Variants in NUDCD3 observed in about 807,000 individuals in gnomAD.
NUDCD3 encodes the protein nudC domain-containing protein 3.
Under a neutral mutation model 39.7 loss-of-function variants are expected in NUDCD3, and 13 were observed. The ratio of observed to expected loss-of-function variants is 0.33; its 90% CI spans 0.21 to 0.52. The LOEUF (loss-of-function observed/expected upper bound fraction) is 0.52, where lower values mean the gene tolerates loss of function less well. Among genes scored for constraint, NUDCD3 ranks in the 20% least tolerant of loss-of-function variants. The pLI is 0.96. For synonymous variants in NUDCD3, 175 were observed against 172.4 expected (o/e 1.02, Z -0.12); for missense variants, 453 against 458.1 (o/e 0.99, Z 0.10).
intron 1 of NUDCD3, among the ~76,000 whole-genome samples, chr7:44,487,985 C>G (rs1437964733): frequency 1.3e-5 from 2 of 150,730 alleles, no homozygotes; most frequent in African/African-American, 4.9e-5. Flanking sequence ...AAAAAAAGAA[C>G]AGGTTCCCAG....
At chr7:44,410,922 C>T (rs1196032016) in intron 3 of NUDCD3, among the ~76,000 whole-genome samples, 1 of 151,430 alleles carries the variant, frequency 6.6e-6, no homozygotes, top group Non-Finnish European at 1.5e-5. Flanking sequence ...GCCAAGATCG[C>T]GTCACTGCAC....
chr7:44,448,971 G>C (rs1040913682), intron 2 of NUDCD3, among the ~76,000 whole-genome samples: 1 of 152,164 alleles, frequency 6.6e-6, no homozygotes, highest in Non-Finnish European at 1.5e-5. Context: ...AAGGAGGTCA[G>C]GAAGCTGGTA....
intron 2 of NUDCD3, among the ~76,000 whole-genome samples, chr7:44,478,839 G>A (rs1469434823): frequency 6.6e-6 from 1 of 152,204 alleles, no homozygotes; most frequent in Non-Finnish European, 1.5e-5. Context: ...GCACAAGGTT[G>A]CCAGGATCTG....
intron 2 of NUDCD3, among the ~76,000 whole-genome samples, chr7:44,473,423 A>C (rs1800296923): frequency 6.6e-6 from 1 of 152,170 alleles, no homozygotes; most frequent in South Asian, 2.1e-4. Context: ...ACGGCCTCAA[A>C]GAGTTGTGAG....
At chr7:44,459,907 G>A (rs1489107329) in intron 2 of NUDCD3, among the ~76,000 whole-genome samples, 1 of 152,196 alleles carries the variant, frequency 6.6e-6, no homozygotes, top group African/African-American at 2.4e-5. Flanking sequence ...TTAATATGGA[G>A]TTTTAACATA....
rs191200367 is a variant in NUDCD3, at chr7:44,469,824, C to T, written c.509+15144G>A. Among the ~76,000 whole-genome samples the T allele has an allele frequency of 4.3e-5, 6 of 139,728 alleles. No individual in the cohort carries two copies. In the East Asian group the frequency reaches 6.1e-4, roughly 14 times the overall value. The allele number at this position is 139,728 out of a possible 152,430, so 91.7% of individuals were successfully genotyped here. A position where few individuals can be genotyped will look rare whatever the true frequency, so the allele number is the denominator to read the frequency against. On this transcript the variant is annotated intron_variant, in intron 2 of 5. Transcript: ENST00000355451. ...CAAAACTATAATGAGGGACATTCCA[C>T]GAAAAAAAAAAATGGCAATGAAGGA... is the stretch of plus-strand genomic sequence containing the variant.
At chr7:44,407,091 G>A (rs1283223627) in intron 3 of NUDCD3, among the ~76,000 whole-genome samples, 1 of 151,932 alleles carries the variant, frequency 6.6e-6, no homozygotes, top group Non-Finnish European at 1.5e-5. Flanking sequence ...TGTGTCAAGT[G>A]AAGTCCTACT....
chr7:44,419,617 C>T (rs1249463945), intron 3 of NUDCD3, among the ~76,000 whole-genome samples: 2 of 152,152 alleles, frequency 1.3e-5, no homozygotes, highest in Non-Finnish European at 2.9e-5. Context: ...GGCATTAGCC[C>T]AGTGCCCCTC....
chr7:44,430,874 G>A (rs528493555), intron 2 of NUDCD3, among the ~76,000 whole-genome samples: 2 of 152,216 alleles, frequency 1.3e-5, no homozygotes, highest in South Asian at 2.1e-4. Context: ...GCCACTACAC[G>A]CTGCAGTAAA....
At chr7:44,448,869 T>C (rs1799735686) in intron 2 of NUDCD3, among the ~76,000 whole-genome samples, 1 of 152,216 alleles carries the variant, frequency 6.6e-6, no homozygotes, top group Admixed American at 6.5e-5. Flanking sequence ...ATCACAGTGA[T>C]AGCATGATTT....
chr7:44,476,716 G>T (rs926137338), intron 2 of NUDCD3, among the ~76,000 whole-genome samples: 17 of 152,168 alleles, frequency 1.1e-4, no homozygotes, highest in African/African-American at 3.4e-4. Flanking sequence ...GCATGCACTG[G>T]GGGGGTCATC....
rs553353902 is a variant in NUDCD3 at position 44,391,608 on chromosome 7, C to T, written c.975+689G>A. On this transcript the variant is annotated intron_variant, in intron 5 of 5. Transcript: ENST00000355451. ...CTGACTCAAGGCTGCACTGCGTCCG[C>T]GTGCCCTGCTGTACTGCGGCCCAAA... Among the ~76,000 whole-genome samples the T allele has an allele frequency of 2.0e-5, 3 of 152,294 alleles. No individual in the cohort carries two copies. The South Asian group carries it at 6.2e-4, about 32-fold the overall frequency.
Position 44,419,801 on chromosome 7 carries a change from A to G in NUDCD3, c.642+7770T>C, listed in dbSNP as rs183357899. 5.3e-5 allele frequency among the ~76,000 whole-genome samples: 8 copies of G among 152,118 alleles called. No individual in the cohort carries two copies. The East Asian group carries it at 1.6e-3, about 30-fold the overall frequency. On this transcript the variant is annotated intron_variant, in intron 3 of 5. Transcript: ENST00000355451. ...ACAAACAGAAAGCAACAACATCAAC[A>G]TCAAAAAAAAAGGACCCCCACACAA...
intron 2 of NUDCD3, among the ~76,000 whole-genome samples, chr7:44,433,239 T>G (rs576102063): frequency 6.6e-6 from 1 of 152,202 alleles, no homozygotes; most frequent in African/African-American, 2.4e-5. Context: ...TTTGTTATAG[T>G]AGCCCAAATG....
chr7:44,422,006 A>G (rs2116894764), intron 3 of NUDCD3, among the ~76,000 whole-genome samples: 1 of 152,358 alleles, frequency 6.6e-6, no homozygotes, highest in Admixed American at 6.5e-5. Context: ...GCACAACTAC[A>G]TGAAAACTGA....
chr7:44,401,032 G>A (rs1257289810), intron 4 of NUDCD3, among the ~76,000 whole-genome samples: 2 of 152,200 alleles, frequency 1.3e-5, no homozygotes, highest in African/African-American at 4.8e-5. Flanking sequence ...AAACATTGGA[G>A]ATCAACAAGA....
At chr7:44,453,817 T>C (rs1799839787) in intron 2 of NUDCD3, among the ~76,000 whole-genome samples, 1 of 142,812 alleles carries the variant, frequency 7.0e-6, no homozygotes, top group African/African-American at 2.6e-5. Context: ...GCCAAGGGAG[T>C]AGGATTGCTT....
At chr7:44,420,319 G>A (rs749914347) in intron 3 of NUDCD3, among the ~76,000 whole-genome samples, 5 of 151,926 alleles carry the variant, frequency 3.3e-5, no homozygotes, top group East Asian at 1.9e-4. Context: ...GAAAAGGAAC[G>A]AACAAAGCCT....
chr7:44,484,754 C>G (rs556459636), intron 2 of NUDCD3: 2 of 541,740 alleles, frequency 3.7e-6, no homozygotes, highest in African/African-American at 1.9e-5. Context: ...TGTATGACTA[C>G]TGACCTTACC....
Sources: allele counts gnomAD v4.1 joint callset (sites outside exome capture counted in the v4.1 genomes callset), GRCh38; gene constraint gnomAD v4.1.1; transcripts MANE v1.5; gene names NCBI Gene and HGNC (gene_info 2026-07-23, HGNC 2026-07-21).